TNKS: variants seen among roughly 807,000 people sequenced by gnomAD.
The protein encoded by TNKS is poly [ADP-ribose] polymerase tankyrase-1.
In TNKS, 72 loss-of-function variants were observed where a neutral mutation model predicts 135.8. That is an observed-to-expected ratio of 0.53 (90% CI 0.44 to 0.64). TNKS has a LOEUF of 0.64. Among genes scored for constraint, TNKS ranks in the 30% least tolerant of loss-of-function variants. The pLI, the probability that TNKS is intolerant of heterozygous loss-of-function variation, is 0.00. For synonymous variants in TNKS, 849 were observed against 649.3 expected (o/e 1.31, Z -4.68); for missense variants, 1,769 against 1,674.0 (o/e 1.06, Z -0.99).
intron 17 of TNKS, among the ~76,000 whole-genome samples, chr8:9,747,669 C>G (rs1429466057): frequency 1.3e-5 from 2 of 152,050 alleles, no homozygotes. Flanking sequence ...AGACCATTAA[C>G]AGAAGATTTG....
rs1300913152 is a variant in TNKS, at chr8:9,556,131, G to A, written c.192G>A (p.Ala64=). The A allele has an allele frequency of 6.2e-7, 1 of 1,605,760 alleles. No homozygotes were observed. Among genetic ancestry groups the A allele is most frequent in the Non-Finnish European group, 8.5e-7 (1 of 1,176,356 alleles). Residue 64 remains alanine, a synonymous_variant, in exon 1 of 27, where the codon GCG becomes GCA. Coordinates refer to ENST00000310430, the MANE Select transcript of TNKS (RefSeq NM_003747.3). ...APFASPRHGL[A]LPEGDGSRDP... ...TCGCCTCCCCGCGGCACGGCCTAGC[G>A]CTGCCGGAGGGGGATGGCAGTCGGG...
rs1026698630 is a variant in TNKS, at chr8:9,640,028, T to C, written c.994+24351T>C. ...TCTTTTCCACTATGTGTGAACTCTT[T>C]AGCTAAAAAGTGCCTATACAGGGAA... On this transcript the variant is annotated intron_variant, in intron 3 of 26. Coordinates refer to ENST00000310430, the MANE Select transcript of TNKS (RefSeq NM_003747.3). Among the ~76,000 whole-genome samples, 3 of 152,176 alleles carry C rather than the reference T, an allele frequency of 2.0e-5. 1 individual carries two copies.
chr8:9,721,475 G>C (rs1311688071), intron 12 of TNKS, among the ~76,000 whole-genome samples: 2 of 151,656 alleles, frequency 1.3e-5, no homozygotes, highest in African/African-American at 2.4e-5. Context: ...CAAAAGTTTA[G>C]TATAATTAAC....
At chr8:9,609,398 T>G (rs1803289857) in intron 2 of TNKS, among the ~76,000 whole-genome samples, 1 of 152,230 alleles carries the variant, frequency 6.6e-6, no homozygotes, top group African/African-American at 2.4e-5. Context: ...AATTCTGTAC[T>G]AGGACCAGTT....
intron 2 of TNKS, among the ~76,000 whole-genome samples, chr8:9,593,734 C>T (rs754953321): frequency 2.6e-5 from 4 of 152,092 alleles, no homozygotes; most frequent in Non-Finnish European, 5.9e-5. Context: ...AATTATCTGA[C>T]CACTTCCATG....
At chr8:9,593,563 C>A (rs1323686510) in intron 2 of TNKS, among the ~76,000 whole-genome samples, 1 of 152,104 alleles carries the variant, frequency 6.6e-6, no homozygotes, top group East Asian at 1.9e-4. Flanking sequence ...AACCCCCTTC[C>A]CCCCAAACCA....
Position 9,779,913 on chromosome 8 carries a change from A to T in TNKS, c.*3177A>T, listed in dbSNP as rs981421406. 3 of 152,192 alleles carry T rather than the reference A, an allele frequency of 2.0e-5. No homozygotes were observed. Among genetic ancestry groups the T allele is most frequent in the Non-Finnish European group, 4.4e-5 (3 of 68,042 alleles). The allele number at this position is 152,192 out of a possible 1,614,324, so 9.4% of individuals were successfully genotyped here. A position where few individuals can be genotyped will look rare whatever the true frequency, so the allele number is the denominator to read the frequency against. On this transcript the variant is annotated 3_prime_UTR_variant, in exon 27 of 27. Transcript: ENST00000310430. ...CAGCATAAGTAGAATCAACATTAGGATGTTTTCATGAAATAGCATCCTTAT... is the reference window on the plus strand; with the variant it reads ...CAGCATAAGTAGAATCAACATTAGGTTGTTTTCATGAAATAGCATCCTTAT...
intron 1 of TNKS, among the ~76,000 whole-genome samples, chr8:9,564,965 G>C (rs555805214): frequency 3.3e-5 from 5 of 151,756 alleles, no homozygotes; most frequent in Non-Finnish European, 7.4e-5. Flanking sequence ...GTTTCCTAGG[G>C]ATTTCTACTA....
At chr8:9,607,552 C>T (rs548373585) in intron 2 of TNKS, among the ~76,000 whole-genome samples, 45 of 152,264 alleles carry the variant, frequency 3.0e-4, no homozygotes, top group African/African-American at 8.9e-4. Flanking sequence ...ATCCACTGGT[C>T]GTCTTACACT....
At chr8:9,647,600 A>C (rs994581095) in intron 3 of TNKS, among the ~76,000 whole-genome samples, 5 of 152,180 alleles carry the variant, frequency 3.3e-5, no homozygotes, top group African/African-American at 1.2e-4. Context: ...TCTGCAGAGA[A>C]CTAATTGCTT....
chr8:9,686,686 AT>A lies in TNKS; in HGVS notation c.1107+5889del, dbSNP rs1356866144. Among the ~76,000 whole-genome samples, 6 of 152,272 alleles carry A rather than the reference AT, an allele frequency of 3.9e-5. No individual in the cohort carries two copies. In the East Asian group the frequency reaches 1.2e-3, roughly 29 times the overall value. ...AGTTCTTTTGAATTTATATCTTACA[AT>A]TTAAGTATTTTCCCCCTTGAAATGC... is the stretch of plus-strand genomic sequence containing the variant. On this transcript the variant is annotated intron_variant, in intron 5 of 26. Transcript: ENST00000310430.
chr8:9,749,870 TG>T (rs1806429266), intron 18 of TNKS, among the ~76,000 whole-genome samples: 2 of 152,192 alleles, frequency 1.3e-5, no homozygotes, highest in South Asian at 4.1e-4. Flanking sequence ...TTTCTCAACC[TG>T]TTCCCTGCTC....
At chr8:9,595,577 T>C (rs566310450) in intron 2 of TNKS, among the ~76,000 whole-genome samples, 1 of 152,196 alleles carries the variant, frequency 6.6e-6, no homozygotes, top group South Asian at 2.1e-4. Context: ...TATGTACTTA[T>C]TAATTGTGTT....
At chr8:9,599,718 G>A (rs777365320) in intron 2 of TNKS, among the ~76,000 whole-genome samples, 1 of 151,788 alleles carries the variant, frequency 6.6e-6, no homozygotes, top group African/African-American at 2.4e-5. Context: ...AATTGATCTG[G>A]GATATAAAAA....
chr8:9,583,520 TGCTCTGTCACCAG>T (rs1164773712), intron 2 of TNKS, among the ~76,000 whole-genome samples: 2 of 152,122 alleles, frequency 1.3e-5, no homozygotes, highest in African/African-American at 4.8e-5. Flanking sequence ...GACAGAGTCT[TGCTCTGTCACCAG>T]GCTGGAGTGC....
At chr8:9,568,827 A>G (rs1037965941) in intron 1 of TNKS, among the ~76,000 whole-genome samples, 1 of 152,188 alleles carries the variant, frequency 6.6e-6, no homozygotes, top group Non-Finnish European at 1.5e-5. Flanking sequence ...CCCACAGTTG[A>G]TAAGTAATAG....
chr8:9,756,186 T>A (rs1199086446), intron 20 of TNKS, among the ~76,000 whole-genome samples: 1 of 152,200 alleles, frequency 6.6e-6, no homozygotes, highest in Admixed American at 6.5e-5. Context: ...AAATTTTGAT[T>A]TCAAATTCTT....
chr8:9,762,867 T>G (rs1223570994), intron 21 of TNKS, among the ~76,000 whole-genome samples: 1 of 148,476 alleles, frequency 6.7e-6, no homozygotes, highest in East Asian at 2.0e-4. Flanking sequence ...ATCACGTCAC[T>G]GCACTCCAGC....
intron 26 of TNKS, among the ~76,000 whole-genome samples, chr8:9,774,603 C>G (rs28555662): frequency 0.015 from 2,311 of 152,260 alleles, 59 homozygotes; most frequent in African/African-American, 0.053. Context: ...TCAGTAATTC[C>G]CTTACCCTTA....
Sources: gnomAD v4.1 joint callset for allele counts (sites outside exome capture counted in the v4.1 genomes callset) on GRCh38, gnomAD v4.1.1 for gene constraint, MANE v1.5 for transcripts, NCBI Gene and HGNC (gene_info 2026-07-23, HGNC 2026-07-21) for gene names.